TNRC6B: variants seen among roughly 807,000 people sequenced by gnomAD.
The protein encoded by TNRC6B is trinucleotide repeat containing adaptor 6B.
Under a neutral mutation model 203.6 loss-of-function variants are expected in TNRC6B, and 52 were observed. The observed-to-expected ratio is 0.26, with a 90% confidence interval of 0.20 to 0.32. The LOEUF (loss-of-function observed/expected upper bound fraction) is 0.32. TNRC6B is among the 10% of genes least tolerant of loss of function. The pLI, the probability that TNRC6B is intolerant of heterozygous loss-of-function variation, is 1.00. For synonymous variants in TNRC6B, 838 were observed against 845.7 expected (o/e 0.99, Z 0.16); for missense variants, 1,923 against 2,286.2 (o/e 0.84, Z 3.24).
intron 1 of TNRC6B, among the ~76,000 whole-genome samples, chr22:40,209,228 T>C (rs1189591262): frequency 6.6e-6 from 1 of 150,582 alleles, no homozygotes; most frequent in African/African-American, 2.5e-5. Context: ...CAATTTATTC[T>C]CTAGAACAGA....
At chr22:40,079,124 G>A (rs995079293) in intron 1 of TNRC6B, among the ~76,000 whole-genome samples, 3 of 151,870 alleles carry the variant, frequency 2.0e-5, no homozygotes, top group Admixed American at 6.6e-5. Flanking sequence ...TGTTGCCCAG[G>A]CTGGTCTCAA....
chr22:40,190,270 G>A (rs2146392563), intron 1 of TNRC6B, among the ~76,000 whole-genome samples: 1 of 152,116 alleles, frequency 6.6e-6, no homozygotes, highest in Non-Finnish European at 1.5e-5. Context: ...TTCTACATTC[G>A]TGTCTGAAAA....
chr22:40,081,742 A>G (rs895108907), intron 1 of TNRC6B, among the ~76,000 whole-genome samples: 3 of 152,256 alleles, frequency 2.0e-5, no homozygotes, highest in South Asian at 2.1e-4. Flanking sequence ...TATCCAGCAC[A>G]TAAGTGGCCC....
Position 40,266,676 on chromosome 22 carries a change from T to G in TNRC6B, c.2446T>G (p.Trp816Gly), listed in dbSNP as rs1360876075. Residue 816 changes from tryptophan to glycine, a missense_variant, in exon 5 of 23, where the codon TGG (tryptophan) becomes GGG (glycine). Around this residue, in one of 8 missense-constraint regions of TNRC6B, gnomAD observed 599 missense variants for 656.5 expected, o/e 0.91. Coordinates refer to ENST00000454349, the MANE Select transcript of TNRC6B (RefSeq NM_001162501.2). ...WNETGRQPNS[W>G]NKQHQQQQPP... Reference sequence around the variant, plus strand: ...TGAGACGGGCCGACAGCCCAATTCCTGGAATAAACAACACCAACAGCAGCA... The same window carrying G: ...TGAGACGGGCCGACAGCCCAATTCCGGGAATAAACAACACCAACAGCAGCA... 2 of 1,613,640 alleles carry G rather than the reference T, an allele frequency of 1.2e-6. No individual in the cohort carries two copies. The highest frequency in any genetic ancestry group is 2.7e-5 in the African/African-American group (2 of 74,898).
chr22:40,270,041 G>T, intron 5 of TNRC6B, 81 bp from the exon 6 acceptor site: 3 of 1,410,840 alleles, frequency 2.1e-6, no homozygotes, highest in Admixed American at 4.2e-5. Context: ...AGGCATGCCT[G>T]TTCCTTCCAC....
At position 40,265,919 on chromosome 22, in the gene TNRC6B, CTCCA is replaced by C; in HGVS notation, c.1690_1693del (p.Ser564GlnfsTer44). ...CTCCCTGTTGGGGAAGATCTTCCAG[CTCCA>C]CAGGAAGTGAAGTTGGAGGTCAAAG... is the stretch of plus-strand genomic sequence containing the variant. On this transcript the variant is annotated frameshift_variant, in exon 5 of 23. Coordinates refer to ENST00000454349, the MANE Select transcript of TNRC6B (RefSeq NM_001162501.2). LOFTEE classifies it high-confidence loss of function. 1 of 1,614,050 alleles carries C rather than the reference CTCCA, an allele frequency of 6.2e-7. No individual in the cohort carries two copies. Among genetic ancestry groups the C allele is most frequent in the Non-Finnish European group, 8.5e-7 (1 of 1,179,908 alleles).
In TNRC6B at chr22:40,179,279, C is replaced by G. The variant is rs184710715; in HGVS notation, c.5+1139C>G. ...ATCATTGTGAGAGTGTGATGTAATG[C>G]TTCTCGGTCTGGTGGGCTGAAAGGA... On this transcript the variant is annotated intron_variant, in intron 1 of 22. Transcript: ENST00000454349. Among the ~76,000 whole-genome samples, 990 of 152,292 alleles carry G rather than the reference C, an allele frequency of 6.5e-3. 4 individuals are homozygous for G. The highest frequency in any genetic ancestry group is 0.01 in the Non-Finnish European group (684 of 68,020).
rs1384276321 is a variant in TNRC6B, at chr22:40,312,632, G to C, written c.4563G>C (p.Leu1521=). ...CCATTGTAGATACTGACCACCAACTGCTGCGGGATAACACCACAGGTACTT... is the reference window on the plus strand; with the variant it reads ...CCATTGTAGATACTGACCACCAACTCCTGCGGGATAACACCACAGGTACTT... ...TSPIVDTDHQ[L]LRDNTTGSNS... Residue 1521 remains leucine (L), a synonymous_variant, in exon 18 of 23, where the codon CTG becomes CTC. Transcript: ENST00000454349. 1.2e-6 allele frequency: 2 copies of C among 1,612,144 alleles called. No individual in the cohort carries two copies. The highest frequency in any genetic ancestry group is 1.7e-5 in the Admixed American group (1 of 59,614).
chr22:40,158,235 A>C (rs896705502), intron 4 of TNRC6B, among the ~76,000 whole-genome samples: 2 of 152,058 alleles, frequency 1.3e-5, no homozygotes, highest in Non-Finnish European at 2.9e-5. Flanking sequence ...GCTACTTAGG[A>C]GGCTGAGGCA....
intron 1 of TNRC6B, among the ~76,000 whole-genome samples, chr22:40,200,239 A>G (rs1011966198): frequency 7.5e-6 from 1 of 132,602 alleles, no homozygotes; most frequent in African/African-American, 2.9e-5. Flanking sequence ...TAAGTTTGAG[A>G]TTGTTTCAAA....
intron 1 of TNRC6B, among the ~76,000 whole-genome samples, chr22:40,051,158 C>T (rs2067741328): frequency 6.6e-6 from 1 of 152,190 alleles, no homozygotes; most frequent in Non-Finnish European, 1.5e-5. Context: ...CCTACGTCCT[C>T]AGTGTCTCCT....
intron 1 of TNRC6B, among the ~76,000 whole-genome samples, chr22:40,184,287 G>A (rs980424623): frequency 6.6e-6 from 1 of 152,158 alleles, no homozygotes; most frequent in Non-Finnish European, 1.5e-5. Flanking sequence ...GCTGGCTGGT[G>A]CTCAGGGTGT....
At chr22:40,049,302 G>A (rs112635840) in intron 1 of TNRC6B, among the ~76,000 whole-genome samples, 7 of 151,664 alleles carry the variant, frequency 4.6e-5, no homozygotes, top group South Asian at 2.1e-4. Flanking sequence ...GCTAGGACAC[G>A]GATGAGCCAC....
intron 2 of TNRC6B, among the ~76,000 whole-genome samples, chr22:40,124,242 A>G (rs2068468370): frequency 6.6e-6 from 1 of 152,118 alleles, no homozygotes; most frequent in South Asian, 2.1e-4. Flanking sequence ...AGCCTACACC[A>G]AAACAGATCA....
intron 3 of TNRC6B, among the ~76,000 whole-genome samples, chr22:40,151,552 A>AAAAAG (rs1555885693): frequency 7.2e-6 from 1 of 138,828 alleles, no homozygotes; most frequent in African/African-American, 2.7e-5. Flanking sequence ...AAAAAAAAAA[A>AAAAAG]GAAAAAAGAA....
At chr22:40,151,553 G>GAAAA (rs1568999364) in intron 3 of TNRC6B, among the ~76,000 whole-genome samples, 3 of 22,898 alleles carry the variant, frequency 1.3e-4, no homozygotes, top group African/African-American at 1.1e-3. Context: ...AAAAAAAAAA[G>GAAAA]AAAAAAGAAA....
chr22:40,060,223 A>AT (rs1385139078), intron 1 of TNRC6B, among the ~76,000 whole-genome samples: 6 of 97,364 alleles, frequency 6.2e-5, no homozygotes, highest in East Asian at 6.0e-4. Flanking sequence ...TATTTTTATT[A>AT]TTTTTTTATT....
chr22:40,098,393 A>T (rs1344985492), intron 1 of TNRC6B, among the ~76,000 whole-genome samples: 1 of 149,116 alleles, frequency 6.7e-6, no homozygotes, highest in Admixed American at 6.6e-5. Flanking sequence ...TCAAAAAAAA[A>T]AAAAAAAAAA....
intron 1 of TNRC6B, among the ~76,000 whole-genome samples, chr22:40,240,730 C>G (rs751180717): frequency 6.6e-6 from 1 of 152,184 alleles, no homozygotes; most frequent in Non-Finnish European, 1.5e-5. Context: ...AATGATTTCT[C>G]TTGCCCTTCA....
Sources: allele counts gnomAD v4.1 joint callset (sites outside exome capture counted in the v4.1 genomes callset), GRCh38; gene constraint gnomAD v4.1.1; regional missense constraint gnomAD v4.1.1; transcripts MANE v1.5; gene names NCBI Gene and HGNC (gene_info 2026-07-23, HGNC 2026-07-21).